Variants in FBN2 observed in about 807,000 individuals in gnomAD.
FBN2 encodes the protein fibrillin 2, also known as fibrillin-2.
Under a neutral mutation model 355.6 loss-of-function variants are expected in FBN2, and 105 were observed. That is an observed-to-expected ratio of 0.30 (90% CI 0.25 to 0.35). FBN2 has a LOEUF of 0.35. Ranked by LOEUF, FBN2 falls within the 10% of genes least tolerant of loss-of-function variation. The pLI is 1.00. For missense variants in FBN2, 3,280 were observed against 3,758.7 expected, an observed-to-expected ratio of 0.87 and a Z score of 3.33; for synonymous variants, 1,350 against 1,301.2, an observed-to-expected ratio of 1.04 and a Z score of -0.81.
At chr5:128,396,781 C>T (rs1052367397) in intron 8 of FBN2, among the ~76,000 whole-genome samples, 1 of 152,180 alleles carries the variant, frequency 6.6e-6, no homozygotes, top group Non-Finnish European at 1.5e-5. Context: ...TATTATTCAA[C>T]CCTATCAAGA....
chr5:128,395,260 T>A lies in FBN2; in HGVS notation c.1093A>T (p.Met365Leu). The change falls in exon 9 of 65, where the codon ATG becomes TTG. Residue 365 changes from methionine to leucine, a missense_variant. By Grantham distance (15) the Met-to-Leu change is conservative. Around this residue, in one of 6 missense-constraint regions of FBN2, gnomAD observed 343 missense variants for 331.0 expected, o/e 1.04. Transcript: ENST00000262464. ...CCATTCACCAGGCCCGAGAAACACA[T>A]GCCTGTTCTCTGATCTGTGCATGTA... The part of the protein sequence containing the change: ...GSRCIDQRTG[M>L]CFSGLVNGRC... 2 of 1,614,152 alleles carry A rather than the reference T, an allele frequency of 1.2e-6. No homozygotes were observed.
Position 128,290,813 on chromosome 5 carries a change from T to C in FBN2, c.6364A>G (p.Thr2122Ala). 6.2e-7 allele frequency: 1 copy of C among 1,614,124 alleles called. No homozygotes were observed. The highest frequency in any genetic ancestry group is 8.5e-7 in the Non-Finnish European group (1 of 1,179,958). The change falls in exon 50 of 65, where the codon ACA becomes GCA. Residue 2122 changes from threonine to alanine, a missense_variant. Physicochemically the swap from Thr to Ala is moderately conservative, Grantham distance 58. Transcript: ENST00000262464. Reference sequence around the variant, plus strand: ...TTACTACAGCAGCATTTTGCTTTTGTGGTGTTGAAAGCTTTGGGTACAGAA... The same window carrying C: ...TTACTACAGCAGCATTTTGCTTTTGCGGTGTTGAAAGCTTTGGGTACAGAA... ...KCSVPKAFNT[T>A]KAKCCCSKMP...
chr5:128,497,473 T>C (rs1341395175), intron 5 of FBN2, among the ~76,000 whole-genome samples: 1 of 152,124 alleles, frequency 6.6e-6, no homozygotes, highest in Non-Finnish European at 1.5e-5. Flanking sequence ...GTTAAGTAAT[T>C]TTAGGGATTT....
At chr5:128,400,215 T>C (rs945936529) in intron 8 of FBN2, among the ~76,000 whole-genome samples, 1 of 151,800 alleles carries the variant, frequency 6.6e-6, no homozygotes, top group African/African-American at 2.4e-5. Flanking sequence ...CTAAGATATT[T>C]TGTGATACAA....
At chr5:128,423,803 A>C (rs1358706436) in intron 7 of FBN2, among the ~76,000 whole-genome samples, 1 of 152,148 alleles carries the variant, frequency 6.6e-6, no homozygotes, top group African/African-American at 2.4e-5. Context: ...TGGAGAAAGG[A>C]TTGCAGTGGA....
intron 7 of FBN2, among the ~76,000 whole-genome samples, chr5:128,418,823 G>A (rs1753270912): frequency 6.6e-6 from 1 of 152,098 alleles, no homozygotes; most frequent in African/African-American, 2.4e-5. Context: ...GTGCTGCTAC[G>A]AAAAATGTGT....
intron 5 of FBN2, among the ~76,000 whole-genome samples, chr5:128,510,136 G>A (rs1756075056): frequency 6.6e-6 from 1 of 152,126 alleles, no homozygotes. Context: ...GGCCGTGCCT[G>A]GATTTTCTCA....
intron 6 of FBN2, among the ~76,000 whole-genome samples, chr5:128,460,621 C>A (rs1270596278): frequency 6.6e-6 from 1 of 152,154 alleles, no homozygotes; most frequent in African/African-American, 2.4e-5. Flanking sequence ...TACAAGGCTA[C>A]GGTAACCAAA....
chr5:128,261,216 G>C lies in FBN2; in HGVS notation c.8364+520C>G, dbSNP rs73341374. On this transcript the variant is annotated intron_variant, in intron 64 of 64. Coordinates refer to ENST00000262464, the MANE Select transcript of FBN2 (RefSeq NM_001999.4). ...TTTAAACACTGCCAAAATGCAATTA[G>C]GGAAAGGAAATATCAGTGGCTCGCA... Among the ~76,000 whole-genome samples the C allele has an allele frequency of 2.6e-3, 391 of 152,216 alleles. 1 individual carries two copies. The highest frequency in any genetic ancestry group is 8.9e-3 in the African/African-American group (371 of 41,544).
At chr5:128,292,242 A>G (rs1294940824) in intron 48 of FBN2, among the ~76,000 whole-genome samples, 1 of 152,086 alleles carries the variant, frequency 6.6e-6, no homozygotes, top group African/African-American at 2.4e-5. Flanking sequence ...ATCTGTGCCT[A>G]TGGAAATGGA....
In FBN2 at chr5:128,274,578, G is replaced by T; in HGVS notation, c.7700C>A (p.Thr2567Asn). The T allele has an allele frequency of 6.3e-7, 1 of 1,593,740 alleles. No homozygotes were observed. The highest frequency in any genetic ancestry group is 8.6e-7 in the Non-Finnish European group (1 of 1,161,438). Residue 2567 changes from threonine (T) to asparagine (N), a missense_variant, in exon 60 of 65, where the codon ACT becomes AAT. Around this residue, in one of 6 missense-constraint regions of FBN2, gnomAD observed 2,284 missense variants for 2,749.5 expected, o/e 0.83. Transcript: ENST00000262464. ...TAACTTTGTCTTACCGATACAAGCA[G>T]TGTGATGCTGTGTGAAACCAGGTGG... ...KCPPGFTQHH[T>N]ACIDNNECGS...
At chr5:128,296,147 T>C (rs1198935617) in intron 48 of FBN2, among the ~76,000 whole-genome samples, 1 of 152,222 alleles carries the variant, frequency 6.6e-6, no homozygotes. Flanking sequence ...ATTTGTTGAT[T>C]TGCATATATT....
chr5:128,507,602 A>G (rs1371022381), intron 5 of FBN2, among the ~76,000 whole-genome samples: 4 of 152,062 alleles, frequency 2.6e-5, no homozygotes, highest in Non-Finnish European at 5.9e-5. Flanking sequence ...GGCCACCTGT[A>G]TTCTTAATTG....
chr5:128,377,005 T>C (rs1030568588), intron 13 of FBN2, 152 bp from the exon 14 acceptor site: 3 of 885,682 alleles, frequency 3.4e-6, no homozygotes, highest in African/African-American at 3.4e-5. Flanking sequence ...GCCAACTGAA[T>C]GAGAAAAAAT....
intron 20 of FBN2, among the ~76,000 whole-genome samples, chr5:128,355,726 T>C (rs763720019): frequency 2.6e-5 from 4 of 152,200 alleles, no homozygotes; most frequent in Non-Finnish European, 4.4e-5. Flanking sequence ...CATGAAATAA[T>C]GTCTAAACTT....
At chr5:128,479,389 A>C (rs972608042) in intron 5 of FBN2, among the ~76,000 whole-genome samples, 5 of 152,330 alleles carry the variant, frequency 3.3e-5, no homozygotes, top group Admixed American at 6.5e-5. Context: ...ATGCATATAC[A>C]TATGTATATA....
At chr5:128,311,775 TTTACTAAA>T in intron 38 of FBN2, 102 bp downstream of exon 38, 1 of 786,018 alleles carries the variant, frequency 1.3e-6, no homozygotes, top group Non-Finnish European at 2.2e-6. Context: ...CATCTGTAAT[TTTACTAAA>T]TTATCTTGTC....
intron 7 of FBN2, among the ~76,000 whole-genome samples, chr5:128,438,508 T>C (rs1292103973): frequency 1.3e-5 from 2 of 152,242 alleles, no homozygotes; most frequent in African/African-American, 4.8e-5. Flanking sequence ...TATTGATTTA[T>C]AAAAGTAATA....
chr5:128,371,290 G>A (rs939612027), intron 15 of FBN2: 4 of 152,076 alleles, frequency 2.6e-5, no homozygotes, highest in African/African-American at 9.7e-5. Context: ...ACTGTATACA[G>A]GATAGGATAA....
Sources: gnomAD v4.1 joint callset for allele counts (sites outside exome capture counted in the v4.1 genomes callset) on GRCh38, gnomAD v4.1.1 for gene constraint, gnomAD v4.1.1 regional missense constraint, MANE v1.5 for transcripts, NCBI Gene and HGNC (gene_info 2026-07-23, HGNC 2026-07-21) for gene names.